Variants in ZC3H12C observed in about 807,000 individuals in gnomAD.
The protein encoded by ZC3H12C is probable ribonuclease ZC3H12C.
In ZC3H12C, 20 loss-of-function variants were observed where a neutral mutation model predicts 76.3. The ratio of observed to expected loss-of-function variants is 0.26; its 90% CI spans 0.18 to 0.38. The LOEUF is 0.38. ZC3H12C is among the 10% of genes least tolerant of loss of function. The probability of loss-of-function intolerance (pLI) is 1.00; values close to 1 mark genes in which losing one functional copy is unlikely to be tolerated. For synonymous variants in ZC3H12C, 352 were observed against 399.6 expected (o/e 0.88, Z 1.42); for missense variants, 874 against 1,086.5 (o/e 0.80, Z 2.75).
intron 1 of ZC3H12C, chr11:110,135,827 A>G (rs980181876): frequency 2.7e-4 from 41 of 152,122 alleles, no homozygotes; most frequent in African/African-American, 9.2e-4. Context: ...TGCTAATTTT[A>G]TGTGAGATAT....
chr11:110,169,228 CAT>C lies in ZC3H12C; in HGVS notation c.*3492_*3493del, dbSNP rs984568829. ...ATTGATTATACAAATAATTATTTAA[CAT>C]GTCTTATGGATGTATCTATATGTAT... On this transcript the variant is annotated 3_prime_UTR_variant, in exon 6 of 6. Coordinates refer to ENST00000278590, the MANE Select transcript of ZC3H12C (RefSeq NM_033390.2). 2.0e-5 allele frequency: 3 copies of C among 152,036 alleles called. No individual in the cohort carries two copies. The highest frequency in any genetic ancestry group is 6.6e-5 in the Admixed American group (1 of 15,264). The allele number at this position is 152,036 out of a possible 1,614,324, so 9.4% of individuals were successfully genotyped here.
At chr11:110,117,130 A>T (rs1463548609) in intron 1 of ZC3H12C, among the ~76,000 whole-genome samples, 1 of 152,214 alleles carries the variant, frequency 6.6e-6, no homozygotes, top group Non-Finnish European at 1.5e-5. Flanking sequence ...GGAATACCAT[A>T]CCACTTTTAA....
At chr11:110,151,867 T>C (rs1171874159) in intron 2 of ZC3H12C, among the ~76,000 whole-genome samples, 2 of 152,088 alleles carry the variant, frequency 1.3e-5, no homozygotes, top group African/African-American at 4.8e-5. Flanking sequence ...CTATTTCTGT[T>C]TTTTACTAAA....
At chr11:110,104,443 G>A (rs560362212) in intron 1 of ZC3H12C, among the ~76,000 whole-genome samples, 36 of 152,280 alleles carry the variant, frequency 2.4e-4, no homozygotes, top group African/African-American at 8.4e-4. Context: ...TGACATGATC[G>A]TTCCCTCCCT....
At position 110,165,844 on chromosome 11, in the gene ZC3H12C, A is replaced by G; in HGVS notation, c.*107A>G. 1.9e-6 allele frequency: 2 copies of G among 1,049,618 alleles called. No individual in the cohort carries two copies. Among genetic ancestry groups the G allele is most frequent in the South Asian group, 1.7e-5 (1 of 60,582 alleles). The allele number at this position is 1,049,618 out of a possible 1,614,324, so 65.0% of individuals were successfully genotyped here. A position where few individuals can be genotyped will look rare whatever the true frequency, so the allele number is the denominator to read the frequency against. On this transcript the variant is annotated 3_prime_UTR_variant, in exon 6 of 6. Transcript: ENST00000278590. ...ATCTCCTTCTCAGCAAGGAGGTTAT[A>G]TAGTATCCATTTATGTGAAATACTG...
chr11:110,127,892 T>TCA lies in ZC3H12C; in HGVS notation c.22-8770_22-8769insAC. 2.6e-5 allele frequency among the ~76,000 whole-genome samples: 2 copies of TCA among 78,320 alleles called. 1 individual carries two copies. 51.4% of individuals were successfully genotyped at this position (78,320 alleles called of 152,430 possible). ...GCCTGGACAACACAGTGAGACTTACTCTCAAAAAAAAAAAAAAAGAGATTA... is the reference window on the plus strand; with the variant it reads ...GCCTGGACAACACAGTGAGACTTACTCACTCAAAAAAAAAAAAAAAGAGATTA... On this transcript the variant is annotated intron_variant, in intron 1 of 5. Coordinates refer to ENST00000278590, the MANE Select transcript of ZC3H12C (RefSeq NM_033390.2).
intron 1 of ZC3H12C, among the ~76,000 whole-genome samples, chr11:110,133,470 C>A (rs1389017741): frequency 2.6e-5 from 4 of 152,084 alleles, no homozygotes; most frequent in Admixed American, 6.6e-5. Flanking sequence ...GAAAAAAGTT[C>A]AACCAGAATA....
chr11:110,098,729 C>T (rs1186886621), intron 1 of ZC3H12C, among the ~76,000 whole-genome samples: 1 of 152,118 alleles, frequency 6.6e-6, no homozygotes, highest in East Asian at 1.9e-4. Flanking sequence ...GGTTGGTAGC[C>T]CCAGAGCCAT....
At chr11:110,148,706 G>T (rs1862214103) in intron 2 of ZC3H12C, among the ~76,000 whole-genome samples, 1 of 152,190 alleles carries the variant, frequency 6.6e-6, no homozygotes, top group African/African-American at 2.4e-5. Context: ...CATAAAAATA[G>T]AATTAACTAA....
Position 110,165,617 on chromosome 11 carries a change from T to G in ZC3H12C, c.2532T>G (p.Asn844Lys). 6.2e-7 allele frequency: 1 copy of G among 1,601,682 alleles called. No individual in the cohort carries two copies. Among genetic ancestry groups the G allele is most frequent in the Non-Finnish European group, 8.5e-7 (1 of 1,173,870 alleles). ...YQDNREKIYI[N>K]LCNIFPPDLV... ...ACAACCGAGAAAAGATTTATATCAATTTGTGCAACATCTTCCCCCCTGACC... is the reference window on the plus strand; with the variant it reads ...ACAACCGAGAAAAGATTTATATCAAGTTGTGCAACATCTTCCCCCCTGACC... Residue 844 changes from asparagine to lysine, a missense_variant, in exon 6 of 6, where the codon AAT (asparagine) becomes AAG (lysine). Physicochemically the swap from Asn to Lys is moderately conservative, Grantham distance 94 (BLOSUM62 0). Transcript: ENST00000278590.
chr11:110,117,198 C>T (rs938410797), intron 1 of ZC3H12C, among the ~76,000 whole-genome samples: 1 of 152,174 alleles, frequency 6.6e-6, no homozygotes, highest in African/African-American at 2.4e-5. Context: ...AAGAAAGTGA[C>T]AAGCCATTCT....
At chr11:110,126,223 T>C (rs376541995) in intron 1 of ZC3H12C, among the ~76,000 whole-genome samples, 63,960 of 113,004 alleles carry the variant, frequency 0.57, 15,466 homozygotes, top group East Asian at 0.77. Flanking sequence ...CTTCTTTTTT[T>C]TTTTTTTTTT....
At chr11:110,139,624 T>C in intron 2 of ZC3H12C, among the ~76,000 whole-genome samples, 1 of 152,174 alleles carries the variant, frequency 6.6e-6, no homozygotes, top group East Asian at 1.9e-4. Context: ...AATAATCTTT[T>C]TCTTGAATAA....
chr11:110,144,946 A>G (rs1862136132), intron 2 of ZC3H12C, among the ~76,000 whole-genome samples: 1 of 152,204 alleles, frequency 6.6e-6, no homozygotes, highest in African/African-American at 2.4e-5. Context: ...AGTTAATGGT[A>G]TCTGTATATA....
chr11:110,167,473 A>AGTGTTT lies in ZC3H12C; in HGVS notation c.*1736_*1737insGTGTTT, dbSNP rs1862605073. Reference sequence around the variant, plus strand: ...AGAAATGTCTGTCTTAGTTTTATATAATATATTAAAACACAGTAAATAAAT... The same window carrying AGTGTTT: ...AGAAATGTCTGTCTTAGTTTTATATAGTGTTTATATATTAAAACACAGTAAATAAAT... On this transcript the variant is annotated 3_prime_UTR_variant, in exon 6 of 6. Coordinates refer to ENST00000278590, the MANE Select transcript of ZC3H12C (RefSeq NM_033390.2). 1 of 152,100 alleles carries AGTGTTT rather than the reference A, an allele frequency of 6.6e-6. No individual in the cohort carries two copies. Among genetic ancestry groups the AGTGTTT allele is most frequent in the African/African-American group, 2.4e-5 (1 of 41,418 alleles). The allele number at this position is 152,100 out of a possible 1,614,324, so 9.4% of individuals were successfully genotyped here. A position where few individuals can be genotyped will look rare whatever the true frequency, so the allele number is the denominator to read the frequency against.
intron 2 of ZC3H12C, among the ~76,000 whole-genome samples, chr11:110,143,523 A>C (rs1396553446): frequency 6.6e-6 from 1 of 150,684 alleles, no homozygotes; most frequent in Admixed American, 6.9e-5. Context: ...ATAAATATTT[A>C]TTAATATTAT....
intron 1 of ZC3H12C, among the ~76,000 whole-genome samples, chr11:110,132,341 C>T (rs1861883198): frequency 6.6e-6 from 1 of 152,042 alleles, no homozygotes. Context: ...CAATAAATTT[C>T]TAGTGAATAG....
At chr11:110,145,687 C>G (rs1462262851) in intron 2 of ZC3H12C, among the ~76,000 whole-genome samples, 2 of 152,090 alleles carry the variant, frequency 1.3e-5, no homozygotes, top group Non-Finnish European at 2.9e-5. Flanking sequence ...TAGGATGCCT[C>G]TCTTCTTCAA....
chr11:110,153,406 T>C (rs1309262554), intron 3 of ZC3H12C, among the ~76,000 whole-genome samples: 1 of 152,198 alleles, frequency 6.6e-6, no homozygotes, highest in Non-Finnish European at 1.5e-5. Flanking sequence ...CAGGCTGGTC[T>C]CGAACTCCTG....
Sources: gnomAD v4.1 joint callset for allele counts (sites outside exome capture counted in the v4.1 genomes callset) on GRCh38, gnomAD v4.1.1 for gene constraint, MANE v1.5 for transcripts, NCBI Gene and HGNC (gene_info 2026-07-23, HGNC 2026-07-21) for gene names.